NAALADL2: variants seen among roughly 807,000 people sequenced by gnomAD.
The protein encoded by NAALADL2 is inactive N-acetylated-alpha-linked acidic dipeptidase-like protein 2.
In NAALADL2, 76 loss-of-function variants were observed where a neutral mutation model predicts 87.2. That is an observed-to-expected ratio of 0.87 (90% CI 0.72 to 1.05). The LOEUF is 1.05. Ranked by LOEUF, NAALADL2 falls within the 50% of genes least tolerant of loss-of-function variation. The pLI, the probability that NAALADL2 is intolerant of heterozygous loss-of-function variation, is 0.00. For missense variants in NAALADL2, 1,089 were observed against 945.8 expected, an observed-to-expected ratio of 1.15 and a Z score of -1.99; for synonymous variants, 354 against 331.0, an observed-to-expected ratio of 1.07 and a Z score of -0.75.
chr3:174,993,351 AAG>A (rs1334234408), intron 1 of NAALADL2, among the ~76,000 whole-genome samples: 2 of 152,162 alleles, frequency 1.3e-5, no homozygotes, highest in African/African-American at 2.4e-5. Flanking sequence ...ATGAGCCAGG[AAG>A]AGTGTTCGAT....
intron 2 of NAALADL2, among the ~76,000 whole-genome samples, chr3:174,608,812 A>C (rs1478776708): frequency 6.6e-6 from 1 of 150,976 alleles, no homozygotes; most frequent in African/African-American, 2.4e-5. Flanking sequence ...AACTCATTTT[A>C]TGAGGCCAGC....
At chr3:175,012,749 C>T (rs138291447) in intron 1 of NAALADL2, among the ~76,000 whole-genome samples, 28 of 151,820 alleles carry the variant, frequency 1.8e-4, no homozygotes, top group African/African-American at 6.8e-4. Flanking sequence ...GGAACACTTG[C>T]CTTGCAAAGC....
intron 2 of NAALADL2, among the ~76,000 whole-genome samples, chr3:174,669,191 T>C (rs1351840307): frequency 3.3e-5 from 5 of 152,182 alleles, no homozygotes; most frequent in Non-Finnish European, 7.3e-5. Context: ...CATTTTTTCA[T>C]GTGTCTTTTG....
intron 13 of NAALADL2, among the ~76,000 whole-genome samples, chr3:175,776,037 A>C (rs1657255946): frequency 6.6e-6 from 1 of 151,978 alleles, no homozygotes; most frequent in African/African-American, 2.4e-5. Context: ...TCCAAAGCTA[A>C]GTTGGTCACC....
chr3:175,348,038 A>C lies in NAALADL2; in HGVS notation c.1090+23713A>C, dbSNP rs556866817. ...GCTGAGAATGATGGCTTCAAAAAAA[A>C]AGGTTAGGTTTCTTTTGTTTTGTTT... On this transcript the variant is annotated intron_variant, in intron 5 of 13. Transcript: ENST00000454872. Among the ~76,000 whole-genome samples, 6 of 152,138 alleles carry C rather than the reference A, an allele frequency of 3.9e-5. No individual in the cohort carries two copies. In the East Asian group the frequency reaches 1.2e-3, roughly 29 times the overall value.
chr3:175,423,045 ATATATATTTT>A (rs1330183937), intron 5 of NAALADL2, among the ~76,000 whole-genome samples: 2 of 116,128 alleles, frequency 1.7e-5, no homozygotes, highest in African/African-American at 6.6e-5. Flanking sequence ...ATATATATAT[ATATATATTTT>A]TTTTTTTTCC....
chr3:175,607,197 T>C (rs1052842520), intron 10 of NAALADL2, among the ~76,000 whole-genome samples: 1 of 150,382 alleles, frequency 6.6e-6, no homozygotes, highest in Non-Finnish European at 1.5e-5. Flanking sequence ...CAAGTGTTAT[T>C]TGTAAATATA....
intron 2 of NAALADL2, among the ~76,000 whole-genome samples, chr3:175,149,978 G>T (rs1385481270): frequency 6.6e-6 from 1 of 152,116 alleles, no homozygotes; most frequent in Non-Finnish European, 1.5e-5. Context: ...ATTCTAGAGA[G>T]CCATAATTAT....
At chr3:175,371,257 G>A (rs1394946945) in intron 5 of NAALADL2, among the ~76,000 whole-genome samples, 1 of 151,782 alleles carries the variant, frequency 6.6e-6, no homozygotes, top group East Asian at 1.9e-4. Flanking sequence ...TAATATTATG[G>A]ATGATATTAT....
intron 4 of NAALADL2, among the ~76,000 whole-genome samples, chr3:175,315,232 G>A (rs566005793): frequency 6.6e-6 from 1 of 152,098 alleles, no homozygotes; most frequent in Non-Finnish European, 1.5e-5. Flanking sequence ...CACCTACCTT[G>A]CTCATGTTGG....
chr3:175,321,072 A>G (rs1259759812), intron 4 of NAALADL2, among the ~76,000 whole-genome samples: 5 of 150,900 alleles, frequency 3.3e-5, no homozygotes, highest in Non-Finnish European at 5.9e-5. Context: ...ATGAACATTG[A>G]TGCAAAAATC....
chr3:175,340,507 T>A (rs1050333619), intron 5 of NAALADL2, among the ~76,000 whole-genome samples: 2 of 152,186 alleles, frequency 1.3e-5, no homozygotes, highest in Non-Finnish European at 2.9e-5. Flanking sequence ...ACTAGAGGAA[T>A]GTCTATGGGA....
intron 1 of NAALADL2, among the ~76,000 whole-genome samples, chr3:174,993,387 A>G (rs1011263511): frequency 2.6e-5 from 4 of 152,078 alleles, no homozygotes; most frequent in African/African-American, 9.7e-5. Flanking sequence ...GGGTGAGCAA[A>G]ACCAGATTGA....
chr3:174,469,150 A>G lies in NAALADL2; in HGVS notation c.-184+28118A>G, dbSNP rs188041238. ...ATAAAGGTTCTTTGTTCTTTTGGCT[A>G]TCCTTCATAGGATATAATTTCCTTT... On this transcript the variant is annotated intron_variant, in intron 1 of 3. Coordinates refer to the NAALADL2 transcript ENST00000434257. 1.0e-3 allele frequency among the ~76,000 whole-genome samples: 158 copies of G among 152,354 alleles called. 1 individual carries two copies. The highest frequency in any genetic ancestry group is 3.7e-3 in the African/African-American group (155 of 41,586).
chr3:174,576,999 C>T (rs2108549451), intron 2 of NAALADL2, among the ~76,000 whole-genome samples: 1 of 151,890 alleles, frequency 6.6e-6, no homozygotes, highest in Admixed American at 6.6e-5. Flanking sequence ...TTTTCAATGC[C>T]TGTTATAAAG....
At chr3:175,328,368 A>G (rs1760997773) in intron 5 of NAALADL2, among the ~76,000 whole-genome samples, 1 of 152,004 alleles carries the variant, frequency 6.6e-6, no homozygotes, top group African/African-American at 2.4e-5. Context: ...TTGAACCTGT[A>G]TAGGTTTATC....
At chr3:175,104,069 G>T (rs1481264417) in intron 2 of NAALADL2, among the ~76,000 whole-genome samples, 1 of 152,062 alleles carries the variant, frequency 6.6e-6, no homozygotes, top group Non-Finnish European at 1.5e-5. Flanking sequence ...CAGTATTGGT[G>T]TCTTTCCTGT....
intron 5 of NAALADL2, among the ~76,000 whole-genome samples, chr3:175,434,519 A>G (rs1718301370): frequency 6.6e-6 from 1 of 152,030 alleles, no homozygotes; most frequent in Non-Finnish European, 1.5e-5. Flanking sequence ...TTTATTATCT[A>G]AAAAATAAGT....
At chr3:175,473,885 A>G (rs1284873724) in intron 9 of NAALADL2, among the ~76,000 whole-genome samples, 1 of 152,144 alleles carries the variant, frequency 6.6e-6, no homozygotes, top group African/African-American at 2.4e-5. Context: ...TATTTCATTA[A>G]TTTGTTTAGA....
Sources: gnomAD v4.1 joint callset for allele counts (sites outside exome capture counted in the v4.1 genomes callset) on GRCh38, gnomAD v4.1.1 for gene constraint, MANE v1.5 for transcripts, NCBI Gene and HGNC (gene_info 2026-07-23, HGNC 2026-07-21) for gene names.